The following SEMA6D variants were observed in gnomAD, a reference collection of about 807,000 sequenced individuals.
SEMA6D encodes the protein semaphorin 6D, also known as semaphorin-6D.
SEMA6D carries 35 observed loss-of-function variants against 106.6 expected under a neutral mutation model. The ratio of observed to expected loss-of-function variants is 0.33; its 90% CI spans 0.25 to 0.44. SEMA6D has a LOEUF of 0.44. SEMA6D is among the 20% of genes least tolerant of loss of function. The pLI is 1.00. For synonymous variants in SEMA6D, 499 were observed against 487.7 expected (o/e 1.02, Z -0.31); for missense variants, 1,185 against 1,345.9 (o/e 0.88, Z 1.87).
intron 3 of SEMA6D, among the ~76,000 whole-genome samples, chr15:47,473,866 T>C (rs1306022309): frequency 6.6e-6 from 1 of 151,970 alleles, no homozygotes; most frequent in Admixed American, 6.6e-5. Context: ...CATCTATTAG[T>C]GACTATATTG....
At chr15:47,602,466 G>GT (rs1299822207) in intron 4 of SEMA6D, among the ~76,000 whole-genome samples, 1 of 151,928 alleles carries the variant, frequency 6.6e-6, no homozygotes, top group Non-Finnish European at 1.5e-5. Flanking sequence ...CTAAAATACT[G>GT]TTGTGTATAC....
intron 1 of SEMA6D, among the ~76,000 whole-genome samples, chr15:47,198,339 A>G (rs972463242): frequency 3.3e-5 from 5 of 152,178 alleles, no homozygotes; most frequent in Admixed American, 6.6e-5. Context: ...ACTACAAAAT[A>G]TGACAACTCT....
chr15:47,328,745 C>G (rs1465525954), intron 1 of SEMA6D, among the ~76,000 whole-genome samples: 1 of 152,212 alleles, frequency 6.6e-6, no homozygotes, highest in Admixed American at 6.5e-5. Context: ...CAAGCAAGCT[C>G]TCACCAGCTT....
At position 47,212,984 on chromosome 15, in the gene SEMA6D, T is replaced by C. The variant is rs1420701881; in HGVS notation, c.-239+28566T>C. Among the ~76,000 whole-genome samples the C allele has an allele frequency of 2.0e-5, 3 of 152,218 alleles. No homozygotes were observed. In the East Asian group the frequency reaches 5.8e-4, roughly 29 times the overall value. The stretch of plus-strand genomic sequence containing the variant: ...CTAGCACTATTCCTGTCTCATATAT[T>C]CTTCCTTTCCCTCCTTTTTGGAACC... On this transcript the variant is annotated intron_variant, in intron 1 of 19. Coordinates refer to the SEMA6D transcript ENST00000558014.
chr15:47,305,832 A>G (rs879659033), intron 1 of SEMA6D, among the ~76,000 whole-genome samples: 1 of 152,176 alleles, frequency 6.6e-6, no homozygotes, highest in Non-Finnish European at 1.5e-5. Context: ...TTCTTCACCC[A>G]CAAAGTAGAT....
intron 1 of SEMA6D, among the ~76,000 whole-genome samples, chr15:47,406,014 A>G (rs2040554641): frequency 6.6e-6 from 1 of 152,236 alleles, no homozygotes; most frequent in African/African-American, 2.4e-5. Context: ...AGACCTGAGA[A>G]CTGCTCTTTG....
chr15:47,580,434 T>A (rs1032089476), intron 3 of SEMA6D, among the ~76,000 whole-genome samples: 1 of 152,218 alleles, frequency 6.6e-6, no homozygotes, highest in Non-Finnish European at 1.5e-5. Context: ...TAGGTAGATA[T>A]CTGAATCACC....
chr15:47,447,531 G>A (rs1203897855), intron 2 of SEMA6D, among the ~76,000 whole-genome samples: 1 of 152,096 alleles, frequency 6.6e-6, no homozygotes, highest in African/African-American at 2.4e-5. Context: ...CTCCTGGGGG[G>A]TGGCACACCC....
At chr15:47,278,952 T>C (rs2034970124) in intron 1 of SEMA6D, among the ~76,000 whole-genome samples, 1 of 146,868 alleles carries the variant, frequency 6.8e-6, no homozygotes, top group African/African-American at 2.6e-5. Context: ...CTGAGGGCTC[T>C]GTTCTGTTCC....
chr15:47,196,632 A>G (rs2141017076), intron 1 of SEMA6D, among the ~76,000 whole-genome samples: 1 of 152,300 alleles, frequency 6.6e-6, no homozygotes, highest in Middle Eastern at 3.4e-3. Flanking sequence ...GCTTATGTTA[A>G]TTGACTGAGT....
intron 1 of SEMA6D, among the ~76,000 whole-genome samples, chr15:47,750,985 C>G (rs894981536): frequency 2.6e-5 from 4 of 152,144 alleles, no homozygotes; most frequent in Non-Finnish European, 4.4e-5. Context: ...CAAGGAGCAC[C>G]CATGCTTTTC....
At chr15:47,683,433 C>T (rs1341103138) in intron 4 of SEMA6D, among the ~76,000 whole-genome samples, 2 of 152,140 alleles carry the variant, frequency 1.3e-5, no homozygotes, top group South Asian at 4.2e-4. Context: ...TCAAGATTTC[C>T]ACCGAAAAGC....
intron 4 of SEMA6D, among the ~76,000 whole-genome samples, chr15:47,693,655 C>A (rs2078637058): frequency 1.3e-5 from 2 of 152,044 alleles, no homozygotes; most frequent in Admixed American, 6.6e-5. Flanking sequence ...TTTCTGTGGG[C>A]CAGATGCCAT....
intron 1 of SEMA6D, among the ~76,000 whole-genome samples, chr15:47,284,670 C>T (rs755674858): frequency 6.6e-6 from 1 of 152,180 alleles, no homozygotes; most frequent in Non-Finnish European, 1.5e-5. Context: ...TCTGCCATGG[C>T]ATTCTATTGT....
intron 4 of SEMA6D, among the ~76,000 whole-genome samples, chr15:47,711,647 C>A (rs922342558): frequency 3.3e-5 from 5 of 152,106 alleles, no homozygotes; most frequent in African/African-American, 1.2e-4. Flanking sequence ...GCTTCCTGTC[C>A]CCCAAACATA....
chr15:47,461,368 C>A (rs776837218), intron 2 of SEMA6D, among the ~76,000 whole-genome samples: 2 of 152,002 alleles, frequency 1.3e-5, no homozygotes, highest in Non-Finnish European at 2.9e-5. Context: ...ATGTATGCTG[C>A]ATAAATACAC....
At position 47,571,542 on chromosome 15, in the gene SEMA6D, A is replaced by G. The variant is rs534937329; in HGVS notation, c.-86-29323A>G. Among the ~76,000 whole-genome samples the G allele has an allele frequency of 2.6e-5, 4 of 152,348 alleles. No individual in the cohort carries two copies. The East Asian group carries it at 7.7e-4, about 29-fold the overall frequency. ...TTTAAAACATCCCAGAATCATCATC[A>G]ATCTTCAATCCAGGTTTAAGAAAGC... On this transcript the variant is annotated intron_variant, in intron 3 of 19. Transcript: ENST00000558014.
At chr15:47,615,227 A>T (rs1422048332) in intron 4 of SEMA6D, among the ~76,000 whole-genome samples, 1 of 152,250 alleles carries the variant, frequency 6.6e-6, no homozygotes, top group Non-Finnish European at 1.5e-5. Flanking sequence ...ATGCAGTATC[A>T]CTATTTACAT....
chr15:47,592,207 A>G (rs554896935), intron 3 of SEMA6D, among the ~76,000 whole-genome samples: 2 of 152,284 alleles, frequency 1.3e-5, no homozygotes, highest in African/African-American at 4.8e-5. Context: ...CAATATCTTC[A>G]TACTTCGTAG....
Sources: gnomAD v4.1 joint callset for allele counts (sites outside exome capture counted in the v4.1 genomes callset) on GRCh38, gnomAD v4.1.1 for gene constraint, MANE v1.5 for transcripts, NCBI Gene and HGNC (gene_info 2026-07-23, HGNC 2026-07-21) for gene names.